The following ACSF3 variants were observed in gnomAD, a reference collection of about 807,000 sequenced individuals.
ACSF3 encodes the protein acyl-CoA synthetase family member 3, also known as malonate--CoA ligase ACSF3, mitochondrial.
In ACSF3, 78 loss-of-function variants were observed where a neutral mutation model predicts 53.2. The ratio of observed to expected loss-of-function variants is 1.47; its 90% confidence interval spans 1.22 to 1.77. ACSF3 has a LOEUF of 1.77. Ranked by LOEUF, ACSF3 falls within the 40% of genes most tolerant of loss-of-function variation. The pLI is 0.00. For missense variants in ACSF3, 937 were observed against 771.1 expected (o/e 1.22, Z -2.55); for synonymous variants, 414 against 333.1 (o/e 1.24, Z -2.65).
rs766764090 is a variant in ACSF3, at chr16:89,133,196, C to T, written c.1300C>T (p.Arg434Ter). ...ELLVRGPSVF[R>*]EYWNKPEETK... ...GCTGGTGAGGGGACCCTCCGTGTTT[C>T]GAGAATACTGGAATAAACCAGAAGA... Residue 434 changes from arginine to a stop codon, truncating the protein, a stop_gained, in exon 8 of 11, where the codon CGA becomes TGA. Transcript: ENST00000614302. LOFTEE classifies it high-confidence loss of function. 7.4e-6 allele frequency: 12 copies of T among 1,613,924 alleles called. No individual in the cohort carries two copies. The highest frequency in any genetic ancestry group is 1.3e-5 in the African/African-American group (1 of 74,900).
intron 4 of ACSF3, among the ~76,000 whole-genome samples, chr16:89,105,784 G>T (rs1425190319): frequency 6.6e-6 from 1 of 152,264 alleles, no homozygotes; most frequent in Non-Finnish European, 1.5e-5. Flanking sequence ...AGGGGCAGAG[G>T]CAGAACATCT....
intron 8 of ACSF3, among the ~76,000 whole-genome samples, chr16:89,137,275 A>T (rs1165672415): frequency 6.6e-6 from 1 of 151,500 alleles, no homozygotes; most frequent in Non-Finnish European, 1.5e-5. Context: ...ACTGAGGGGA[A>T]GAGCCCCAGG....
chr16:89,117,685 G>A (rs966723636), intron 6 of ACSF3, among the ~76,000 whole-genome samples: 4 of 152,050 alleles, frequency 2.6e-5, no homozygotes, highest in Non-Finnish European at 5.9e-5. Context: ...CACCGAGGGC[G>A]CCAAGGAGCA....
chr16:89,155,352 C>G lies in ACSF3; in HGVS notation c.*1145C>G. ...CAGGAGGCCAGCCCCATCTCAGGCT[C>G]ACGTGCCTCTGACAGGAGACCAGCC... On this transcript the variant is annotated 3_prime_UTR_variant, in exon 11 of 11. Transcript: ENST00000614302. 1 of 451,590 alleles carries G rather than the reference C, an allele frequency of 2.2e-6. No homozygotes were observed. Among genetic ancestry groups the G allele is most frequent in the East Asian group, 7.0e-5 (1 of 14,318 alleles). The allele number at this position is 451,590 out of a possible 1,614,324, so 28.0% of individuals were successfully genotyped here.
At chr16:89,138,133 G>A (rs2151539244) in intron 8 of ACSF3, among the ~76,000 whole-genome samples, 1 of 152,326 alleles carries the variant, frequency 6.6e-6, no homozygotes, top group South Asian at 2.1e-4. Context: ...GGCAGGCACT[G>A]TGGAGGCCAA....
chr16:89,137,262 A>C (rs188471079), intron 8 of ACSF3, among the ~76,000 whole-genome samples: 2 of 151,910 alleles, frequency 1.3e-5, no homozygotes, highest in African/African-American at 4.8e-5. Context: ...CTTGTGGGGA[A>C]GGACTGAGGG....
chr16:89,128,342 C>G (rs868801873), intron 7 of ACSF3, among the ~76,000 whole-genome samples: 46 of 151,622 alleles, frequency 3.0e-4, no homozygotes, highest in Admixed American at 2.0e-4. Flanking sequence ...CTCACTGCAA[C>G]CTCAGCCTCC....
rs112221171 is a variant in ACSF3 at position 89,107,307 on chromosome 16, G to A, written c.822+4548G>A. Among the ~76,000 whole-genome samples, 1,198 of 152,254 alleles carry A rather than the reference G, an allele frequency of 7.9e-3. 18 individuals are homozygous for A. Among genetic ancestry groups the A allele is most frequent in the African/African-American group, 0.027 (1,133 of 41,532 alleles). On this transcript the variant is annotated intron_variant, in intron 4 of 10. Transcript: ENST00000614302. ...AATTCCAAGAAAGACCGTCCTTCGT[G>A]TCTTTCACCTCCGCGCCTGCTCCCT...
At chr16:89,123,978 G>A (rs562813696) in intron 7 of ACSF3, among the ~76,000 whole-genome samples, 22 of 151,826 alleles carry the variant, frequency 1.4e-4, no homozygotes, top group Middle Eastern at 3.4e-3. Flanking sequence ...CACGTAGTAC[G>A]CATGGGTATC....
Position 89,134,545 on chromosome 16 carries a change from G to A in ACSF3, c.1366+1283G>A, listed in dbSNP as rs573867399. Among the ~76,000 whole-genome samples the A allele has an allele frequency of 1.1e-3, 171 of 152,292 alleles. 2 individuals are homozygous for A. Among genetic ancestry groups the A allele is most frequent in the African/African-American group, 3.7e-3 (154 of 41,562 alleles). On this transcript the variant is annotated intron_variant, in intron 8 of 10. Transcript: ENST00000614302. ...GGCGAGCGAAAGCTCAACTTGAGCCGTAACTACCACGGACCAGAAGAGAGT... is the reference window on the plus strand; with the variant it reads ...GGCGAGCGAAAGCTCAACTTGAGCCATAACTACCACGGACCAGAAGAGAGT...
At chr16:89,108,535 A>C (rs1175145925) in intron 4 of ACSF3, among the ~76,000 whole-genome samples, 1 of 152,148 alleles carries the variant, frequency 6.6e-6, no homozygotes, top group African/African-American at 2.4e-5. Flanking sequence ...ACCTCAAACC[A>C]GTGTCCATTT....
chr16:89,135,173 C>G (rs1170544182), intron 8 of ACSF3, among the ~76,000 whole-genome samples: 1 of 146,712 alleles, frequency 6.8e-6, no homozygotes, highest in Non-Finnish European at 1.5e-5. Context: ...GGCCCATTTT[C>G]ATGCATCAGA....
intron 4 of ACSF3, among the ~76,000 whole-genome samples, chr16:89,108,799 G>A (rs1284420536): frequency 6.6e-6 from 1 of 152,170 alleles, no homozygotes; most frequent in East Asian, 1.9e-4. Context: ...CATTTGGACT[G>A]TTTCAGTTTG....
At chr16:89,123,207 G>A (rs1257292167) in intron 7 of ACSF3, among the ~76,000 whole-genome samples, 1 of 152,180 alleles carries the variant, frequency 6.6e-6, no homozygotes, top group East Asian at 1.9e-4. Flanking sequence ...CACAGCCTGA[G>A]GGCCTCAGGG....
chr16:89,152,699 T>A (rs1467683596), intron 10 of ACSF3: 1 of 152,128 alleles, frequency 6.6e-6, no homozygotes, highest in African/African-American at 2.4e-5. Context: ...TGTCATAGTT[T>A]TATACAACTA....
In ACSF3 at chr16:89,145,267, G is replaced by A. The variant is rs760278262; in HGVS notation, c.1367G>A (p.Gly456Glu). 6.2e-7 allele frequency: 1 copy of A among 1,613,920 alleles called. No homozygotes were observed. The highest frequency in any genetic ancestry group is 1.3e-5 in the African/African-American group (1 of 74,878). ...GTTAACCAGAGCCCCTTTTCCTCAG[G>A]GGACACCGTGGTGTTTAAGGATGGC... is the stretch of plus-strand genomic sequence containing the variant. ...AFTLDGWFKT[G>E]DTVVFKDGQY... Residue 456 changes from glycine to glutamate, a missense_variant and splice_region_variant, in exon 9 of 11, where the codon GGG (glycine) becomes GAG (glutamate). Coordinates refer to ENST00000614302, the MANE Select transcript of ACSF3 (RefSeq NM_001243279.3).
chr16:89,100,901 C>T lies in ACSF3; in HGVS notation c.220C>T (p.Arg74Cys), dbSNP rs1407341761. 3.7e-6 allele frequency: 6 copies of T among 1,613,748 alleles called. No individual in the cohort carries two copies. Among genetic ancestry groups the T allele is most frequent in the South Asian group, 2.2e-5 (2 of 91,090 alleles). The change falls in exon 3 of 11, where the codon CGC (arginine) becomes TGC (cysteine). Residue 74 changes from arginine to cysteine, a missense_variant. Arg to Cys is a radical substitution (Grantham distance 180). Transcript: ENST00000614302. ...CCACACGTACAGGGAGCTTTATTCC[C>T]GCAGCCTTCGCCTGTCCCAGGAGAT... ...GRHTYRELYS[R>C]SLRLSQEICR...
In ACSF3 at chr16:89,145,069, C is replaced by T. The variant is rs916379105; in HGVS notation, c.1367-198C>T. 4.8e-6 allele frequency: 7 copies of T among 1,455,692 alleles called. No individual in the cohort carries two copies. The Admixed American group carries it at 5.9e-5, about 12-fold the overall frequency. The allele number at this position is 1,455,692 out of a possible 1,614,324, so 90.2% of individuals were successfully genotyped here. On this transcript the variant is annotated intron_variant, in intron 8 of 10. Coordinates refer to ENST00000614302, the MANE Select transcript of ACSF3 (RefSeq NM_001243279.3). ...GGGCACAGTCCCACCTTGGGACGCA[C>T]GTCGTGACCACCAGGAATGTGGGCT...
chr16:89,137,345 G>A (rs796240430), intron 8 of ACSF3, among the ~76,000 whole-genome samples: 810 of 117,202 alleles, frequency 6.9e-3, no homozygotes, highest in African/African-American at 9.0e-3. Context: ...CCCGGGTCTC[G>A]GGAGGACCAC....
Sources: gnomAD v4.1 joint callset for allele counts (sites outside exome capture counted in the v4.1 genomes callset) on GRCh38, gnomAD v4.1.1 for gene constraint, MANE v1.5 for transcripts, NCBI Gene and HGNC (gene_info 2026-07-23, HGNC 2026-07-21) for gene names.